RBFOX1: variants seen among roughly 807,000 people sequenced by gnomAD.
RBFOX1 encodes RNA binding protein fox-1 homolog 1.
A neutral mutation model predicts 57.7 loss-of-function variants in RBFOX1; 8 were observed. That is an observed-to-expected ratio of 0.14 (90% CI 0.08 to 0.25). RBFOX1 has a LOEUF of 0.25. Ranked by LOEUF, RBFOX1 falls within the 10% of genes least tolerant of loss-of-function variation. RBFOX1 has a pLI of 1.00. For missense variants in RBFOX1, 611 were observed against 548.5 expected, an observed-to-expected ratio of 1.11 and a Z score of -1.14; for synonymous variants, 326 against 222.4, an observed-to-expected ratio of 1.47 and a Z score of -4.15.
intron 3 of RBFOX1, among the ~76,000 whole-genome samples, chr16:5,856,177 C>CTA (rs1390412630): frequency 1.4e-4 from 8 of 57,206 alleles, no homozygotes; most frequent in South Asian, 6.3e-4. Flanking sequence ...CTCTCTCTCT[C>CTA]TCTCTCTCTC....
intron 1 of RBFOX1, among the ~76,000 whole-genome samples, chr16:6,297,321 A>T (rs754813619): frequency 6.6e-6 from 1 of 152,108 alleles, no homozygotes; most frequent in Non-Finnish European, 1.5e-5. Context: ...TACCCAGCCC[A>T]TATTCAAGAT....
intron 4 of RBFOX1, among the ~76,000 whole-genome samples, chr16:7,209,301 T>C (rs1271988278): frequency 6.6e-6 from 1 of 152,060 alleles, no homozygotes; most frequent in Non-Finnish European, 1.5e-5. Flanking sequence ...TGCCATTGCA[T>C]TCCAGCGTAG....
intron 3 of RBFOX1, among the ~76,000 whole-genome samples, chr16:6,953,076 C>T (rs2081085406): frequency 6.6e-6 from 1 of 152,114 alleles, no homozygotes; most frequent in Non-Finnish European, 1.5e-5. Context: ...CGAAACCAAG[C>T]CACAAATACA....
intron 3 of RBFOX1, among the ~76,000 whole-genome samples, chr16:5,614,356 A>G (rs776770870): frequency 6.6e-6 from 1 of 152,142 alleles, no homozygotes; most frequent in Non-Finnish European, 1.5e-5. Flanking sequence ...CTTCAATGCA[A>G]CTTTCATCTC....
At chr16:6,860,494 G>A (rs2058801829) in intron 3 of RBFOX1, among the ~76,000 whole-genome samples, 1 of 152,160 alleles carries the variant, frequency 6.6e-6, no homozygotes. Flanking sequence ...CACCTGCTTT[G>A]GCGCTCACTT....
In RBFOX1 at chr16:7,032,806, A is replaced by C. The variant is rs573354716; in HGVS notation, c.-15-19251A>C. Among the ~76,000 whole-genome samples the C allele has an allele frequency of 7.2e-5, 11 of 152,242 alleles. No individual in the cohort carries two copies. In the East Asian group the frequency reaches 2.1e-3, roughly 29 times the overall value. On this transcript the variant is annotated intron_variant, in intron 3 of 15. Coordinates refer to ENST00000550418, the MANE Select transcript of RBFOX1 (RefSeq NM_018723.4). ...CCCCGCCTTGGGTCTACCTGAACTAAAAATGCGTTTGGTGTCTCCAGGCTC... is the reference window on the plus strand; with the variant it reads ...CCCCGCCTTGGGTCTACCTGAACTACAAATGCGTTTGGTGTCTCCAGGCTC...
At chr16:6,338,890 A>T (rs1383823821) in intron 2 of RBFOX1, among the ~76,000 whole-genome samples, 1 of 152,204 alleles carries the variant, frequency 6.6e-6, no homozygotes, top group Non-Finnish European at 1.5e-5. Context: ...CATTGAATGA[A>T]TTAGTCAAGA....
chr16:6,123,000 C>G lies in RBFOX1; in HGVS notation c.-127+103008C>G, dbSNP rs74004792. 8.9e-3 allele frequency among the ~76,000 whole-genome samples: 1,353 copies of G among 152,074 alleles called. 23 individuals carry two copies. Among genetic ancestry groups the G allele is most frequent in the African/African-American group, 0.03 (1,250 of 41,488 alleles). On this transcript the variant is annotated intron_variant, in intron 1 of 15. Transcript: ENST00000550418. ...TTGGAAATATGTAAACTGCTGTTCT[C>G]TGGAGAATATTAGCATTTTAACACA...
intron 13 of RBFOX1, among the ~76,000 whole-genome samples, chr16:7,669,310 C>T (rs1468108840): frequency 6.6e-6 from 1 of 151,840 alleles, no homozygotes; most frequent in Non-Finnish European, 1.5e-5. Flanking sequence ...AGAAAGAGAC[C>T]AAAAAGTATA....
intron 1 of RBFOX1, among the ~76,000 whole-genome samples, chr16:5,278,534 A>G (rs1318884420): frequency 6.6e-6 from 1 of 152,074 alleles, no homozygotes; most frequent in Non-Finnish European, 1.5e-5. Flanking sequence ...TAATTTTTAT[A>G]TATGCTGTAA....
intron 2 of RBFOX1, among the ~76,000 whole-genome samples, chr16:5,585,051 C>T (rs1311179897): frequency 6.6e-6 from 1 of 152,106 alleles, no homozygotes; most frequent in African/African-American, 2.4e-5. Context: ...TTGGAGTTAA[C>T]AATTCAGTGG....
At chr16:7,514,826 A>G (rs942032032) in intron 4 of RBFOX1, among the ~76,000 whole-genome samples, 1 of 152,196 alleles carries the variant, frequency 6.6e-6, no homozygotes, top group African/African-American at 2.4e-5. Flanking sequence ...CTCTTTTGCA[A>G]GAACTAGTAG....
intron 2 of RBFOX1, among the ~76,000 whole-genome samples, chr16:6,411,310 G>T (rs547351634): frequency 6.6e-6 from 1 of 152,232 alleles, no homozygotes; most frequent in East Asian, 1.9e-4. Context: ...CATAGGTCCG[G>T]AGATGACTGT....
At chr16:6,759,187 G>T (rs1001923324) in intron 3 of RBFOX1, among the ~76,000 whole-genome samples, 3 of 146,580 alleles carry the variant, frequency 2.0e-5, no homozygotes, top group South Asian at 2.1e-4. Flanking sequence ...GTCTCGCTCT[G>T]TTGCCCAGGC....
intron 4 of RBFOX1, among the ~76,000 whole-genome samples, chr16:5,921,205 T>G (rs2058814119): frequency 6.6e-6 from 1 of 152,118 alleles, no homozygotes; most frequent in African/African-American, 2.4e-5. Flanking sequence ...GAAACAAGAG[T>G]TCTGGTCCCA....
intron 3 of RBFOX1, among the ~76,000 whole-genome samples, chr16:6,803,821 T>A (rs1167106362): frequency 6.6e-6 from 1 of 152,192 alleles, no homozygotes; most frequent in Non-Finnish European, 1.5e-5. Context: ...ATTCACAGGC[T>A]ACATTTCTAA....
At chr16:6,901,657 A>G (rs1205028695) in intron 3 of RBFOX1, among the ~76,000 whole-genome samples, 1 of 152,216 alleles carries the variant, frequency 6.6e-6, no homozygotes, top group African/African-American at 2.4e-5. Context: ...ACAAACTAAA[A>G]CAGTTGAGCA....
chr16:7,290,428 G>C (rs17143284), intron 4 of RBFOX1, among the ~76,000 whole-genome samples: 14,186 of 152,204 alleles, frequency 0.093, 1,123 homozygotes, highest in African/African-American at 0.22. Flanking sequence ...CATTAATCTG[G>C]AATGTAAGCT....
chr16:6,696,731 T>G (rs1307660561), intron 3 of RBFOX1, among the ~76,000 whole-genome samples: 2 of 152,322 alleles, frequency 1.3e-5, no homozygotes, highest in East Asian at 1.9e-4. Context: ...CTTGTTTAAC[T>G]TACAAAACCT....
Sources: allele counts gnomAD v4.1 joint callset (sites outside exome capture counted in the v4.1 genomes callset), GRCh38; gene constraint gnomAD v4.1.1; transcripts MANE v1.5; gene names NCBI Gene and HGNC (gene_info 2026-07-23, HGNC 2026-07-21).